Variants in C9orf85 observed in about 807,000 individuals in gnomAD.
C9orf85 encodes the protein uncharacterized protein C9orf85.
C9orf85 carries 16 observed loss-of-function variants against 14.9 expected under a neutral mutation model. The ratio of observed to expected loss-of-function variants is 1.08; its 90% CI spans 0.73 to 1.63. C9orf85 has a LOEUF of 1.63. Among genes scored for constraint, C9orf85 ranks in the 40% most tolerant of loss-of-function variants. The pLI is 0.00. For missense variants in C9orf85, 172 were observed against 186.1 expected, an observed-to-expected ratio of 0.92 and a Z score of 0.44; for synonymous variants, 45 against 56.8, an observed-to-expected ratio of 0.79 and a Z score of 0.93.
At chr9:71,970,965 G>C (rs1167465885) in intron 2 of C9orf85, among the ~76,000 whole-genome samples, 1 of 151,958 alleles carries the variant, frequency 6.6e-6, no homozygotes, top group Non-Finnish European at 1.5e-5. Context: ...ATGTTGGCCA[G>C]ACTGGTCTCA....
intron 1 of C9orf85, among the ~76,000 whole-genome samples, chr9:71,912,568 G>GA (rs989931279): frequency 6.6e-5 from 10 of 152,146 alleles, no homozygotes; most frequent in Admixed American, 4.6e-4. Context: ...TCAACATGGC[G>GA]AAACTCCATC....
At chr9:71,952,133 G>A (rs1822259077) in intron 2 of C9orf85, among the ~76,000 whole-genome samples, 1 of 152,162 alleles carries the variant, frequency 6.6e-6, no homozygotes, top group South Asian at 2.1e-4. Flanking sequence ...GCAGATGGAG[G>A]TAAGATTCAA....
intron 1 of C9orf85, among the ~76,000 whole-genome samples, chr9:71,915,102 A>G (rs1212043236): frequency 2.6e-5 from 4 of 152,082 alleles, no homozygotes; most frequent in African/African-American, 9.7e-5. Context: ...CTTTTAATCT[A>G]TGATACTGGG....
chr9:71,976,743 A>G (rs1288226100), downstream of C9orf85, among the ~76,000 whole-genome samples: 1 of 149,356 alleles, frequency 6.7e-6, no homozygotes, highest in Non-Finnish European at 1.5e-5. Flanking sequence ...TTTTTTTTCA[A>G]CTCCTCAGGT....
At chr9:71,920,805 A>T (rs1393492026) in intron 1 of C9orf85, among the ~76,000 whole-genome samples, 1 of 152,216 alleles carries the variant, frequency 6.6e-6, no homozygotes, top group African/African-American at 2.4e-5. Flanking sequence ...GATTTTTCTT[A>T]TCACTCCAGA....
chr9:71,923,036 G>A (rs1206032886), intron 1 of C9orf85, among the ~76,000 whole-genome samples: 1 of 152,132 alleles, frequency 6.6e-6, no homozygotes, highest in Non-Finnish European at 1.5e-5. Flanking sequence ...AGGCTGGAGT[G>A]GGAGAATTGC....
At chr9:71,946,162 A>G (rs1432358724) in intron 1 of C9orf85, among the ~76,000 whole-genome samples, 1 of 152,216 alleles carries the variant, frequency 6.6e-6, no homozygotes, top group Non-Finnish European at 1.5e-5. Flanking sequence ...CTTTTCTAAA[A>G]CTTTTTTAAC....
chr9:71,931,195 G>C (rs1330797856), intron 1 of C9orf85, among the ~76,000 whole-genome samples: 1 of 152,184 alleles, frequency 6.6e-6, no homozygotes, highest in Non-Finnish European at 1.5e-5. Flanking sequence ...AATTACATCT[G>C]GGGGTGATGC....
chr9:71,981,279 A>G (rs1241007289), intron 3 of C9orf85, among the ~76,000 whole-genome samples: 1 of 152,232 alleles, frequency 6.6e-6, no homozygotes, highest in Non-Finnish European at 1.5e-5. Context: ...CAACCTCTGT[A>G]TATTTTTCCA....
intron 2 of C9orf85, among the ~76,000 whole-genome samples, chr9:71,948,220 T>C (rs1038600698): frequency 1.3e-5 from 2 of 152,116 alleles, no homozygotes; most frequent in African/African-American, 4.8e-5. Flanking sequence ...TTTGAATGCA[T>C]TCCTTCTTCC....
At position 71,972,767 on chromosome 9, in the gene C9orf85, A is replaced by G. The variant is rs775284565; in HGVS notation, c.399A>G (p.Arg133=). The change falls in exon 4 of 4, where the codon AGA becomes AGG. Residue 133 remains arginine (R), a synonymous_variant. Coordinates refer to ENST00000334731, the MANE Select transcript of C9orf85 (RefSeq NM_182505.5). ...CCAACCATAGAAGAAGCTGCAGAAG[A>G]AATGAAGAAAGTGATGATGATTTAG... The part of the protein sequence containing the change: ...LSSNHRRSCR[R]NEESDDDLDF... The G allele has an allele frequency of 1.3e-5, 21 of 1,610,772 alleles. No homozygotes were observed. Among genetic ancestry groups the G allele is most frequent in the Non-Finnish European group, 1.7e-5 (20 of 1,177,470 alleles).
chr9:71,966,537 A>G (rs180948253), intron 2 of C9orf85, among the ~76,000 whole-genome samples: 42 of 152,310 alleles, frequency 2.8e-4, no homozygotes, highest in South Asian at 2.3e-3. Context: ...ATCTGAATCT[A>G]TAAAACAAAC....
intron 1 of C9orf85, among the ~76,000 whole-genome samples, chr9:71,921,895 A>G (rs1011061065): frequency 1.3e-5 from 2 of 151,146 alleles, no homozygotes; most frequent in Admixed American, 6.6e-5. Context: ...TCCAAAAGGC[A>G]TTTATTTGTT....
intron 1 of C9orf85, among the ~76,000 whole-genome samples, chr9:71,927,960 TGGA>T (rs1452057006): frequency 1.3e-4 from 20 of 151,902 alleles, no homozygotes; most frequent in African/African-American, 4.6e-4. Context: ...CCAAGGCGGG[TGGA>T]TCACTTGAGG....
At chr9:71,930,801 C>G (rs1828052969) in intron 1 of C9orf85, among the ~76,000 whole-genome samples, 1 of 110,442 alleles carries the variant, frequency 9.1e-6, no homozygotes, top group African/African-American at 3.5e-5. Context: ...AAGACCCTGT[C>G]TCAAAAAAAA....
intron 1 of C9orf85, among the ~76,000 whole-genome samples, chr9:71,930,238 T>C (rs1828038822): frequency 6.6e-6 from 1 of 152,056 alleles, no homozygotes; most frequent in Non-Finnish European, 1.5e-5. Context: ...TCACTCAGAC[T>C]TGAGTAAGCA....
In C9orf85 at chr9:71,913,543, A is replaced by C. The variant is rs189553561; in HGVS notation, c.102+1707A>C. On this transcript the variant is annotated intron_variant, in intron 1 of 3. Transcript: ENST00000334731. ...TTAGGTTGAGAGGTTTTTCAGAATG[A>C]AAACCTGAAGCAACATTTGGGAAGA... Among the ~76,000 whole-genome samples the C allele has an allele frequency of 1.1e-3, 164 of 152,330 alleles. 3 individuals are homozygous for C. The highest frequency in any genetic ancestry group is 9.0e-3 in the Admixed American group (138 of 15,306).
intron 1 of C9orf85, among the ~76,000 whole-genome samples, chr9:71,922,959 C>G (rs550267447): frequency 2.0e-5 from 3 of 152,284 alleles, no homozygotes; most frequent in Non-Finnish European, 4.4e-5. Flanking sequence ...GAAACTCCAT[C>G]TCTACTAAAG....
rs73647403 is a variant in C9orf85, at chr9:71,979,267, C to T, written c.324-3390C>T. Among the ~76,000 whole-genome samples, 1,007 of 152,230 alleles carry T rather than the reference C, an allele frequency of 6.6e-3. 10 individuals carry two copies. The highest frequency in any genetic ancestry group is 0.023 in the African/African-American group (945 of 41,540). On this transcript the variant is annotated intron_variant, in intron 3 of 3. Coordinates refer to the C9orf85 transcript ENST00000377031. ...TGTTCTCATTTCTTTACCTTCGTGA[C>T]GTTATGTTATGTGTGCCTTTCTTTG...
Sources: allele counts gnomAD v4.1 joint callset (sites outside exome capture counted in the v4.1 genomes callset), GRCh38; gene constraint gnomAD v4.1.1; transcripts MANE v1.5; gene names NCBI Gene and HGNC (gene_info 2026-07-23, HGNC 2026-07-21).